Variants in BOP1 observed in about 807,000 individuals in gnomAD.
BOP1 encodes BOP1 ribosomal biogenesis factor.
BOP1 carries 54 observed loss-of-function variants against 82.9 expected under a neutral mutation model. The ratio of observed to expected loss-of-function variants is 0.65; its 90% CI spans 0.52 to 0.82. The LOEUF (loss-of-function observed/expected upper bound fraction) is 0.82, where lower values mean the gene tolerates loss of function less well. Ranked by LOEUF, BOP1 falls within the 40% of genes least tolerant of loss-of-function variation. The pLI, the probability that BOP1 is intolerant of heterozygous loss-of-function variation, is 0.00. For synonymous variants in BOP1, 566 were observed against 451.1 expected (o/e 1.25, Z -3.23); for missense variants, 1,170 against 1,072.0 (o/e 1.09, Z -1.28).
chr8:144,265,313 G>A (rs1295541764), intron 3 of BOP1: 24 of 595,664 alleles, frequency 4.0e-5, no homozygotes, highest in Non-Finnish European at 7.1e-5. Context: ...ATTTTCCACT[G>A]AAGTGGTGCC....
At chr8:144,277,885 T>C (rs587603597) in intron 2 of BOP1, among the ~76,000 whole-genome samples, 62 of 88,380 alleles carry the variant, frequency 7.0e-4, no homozygotes, top group African/African-American at 1.7e-3. Context: ...TGGAGGCAGA[T>C]GCTGTGGGGC....
Position 144,281,412 on chromosome 8 carries a change from TC to T in BOP1, c.310-5109del, listed in dbSNP as rs1845676112. Reference sequence around the variant, plus strand: ...CAGTTTAATACCAGGTCTTCGGCCTTCTCTCACTTTCATACCAGGTCTTTGG... The same window carrying T: ...CAGTTTAATACCAGGTCTTCGGCCTTTCTCACTTTCATACCAGGTCTTTGG... On this transcript the variant is annotated intron_variant, in intron 2 of 15. Coordinates refer to ENST00000569669, the MANE Select transcript of BOP1 (RefSeq NM_015201.5). Among the ~76,000 whole-genome samples, 14 of 3,980 alleles carry T rather than the reference TC, an allele frequency of 3.5e-3. 6 individuals carry two copies. The highest frequency in any genetic ancestry group is 4.1e-3 in the African/African-American group (14 of 3,456). 2.6% of individuals were successfully genotyped at this position (3,980 alleles called of 152,430 possible).
chr8:144,288,127 G>A (rs960573408), intron 2 of BOP1, among the ~76,000 whole-genome samples: 10 of 151,938 alleles, frequency 6.6e-5, no homozygotes, highest in African/African-American at 1.7e-4. Flanking sequence ...AAAATTAGCC[G>A]AGCCTGGTAG....
intron 3 of BOP1, among the ~76,000 whole-genome samples, chr8:144,273,809 G>A (rs893255502): frequency 3.6e-4 from 55 of 150,942 alleles, no homozygotes; most frequent in Non-Finnish European, 6.3e-4. Context: ...CCCCACTGCC[G>A]GCGGCAGGAC....
chr8:144,269,752 G>C (rs992076480), intron 3 of BOP1, among the ~76,000 whole-genome samples: 3 of 152,304 alleles, frequency 2.0e-5, no homozygotes, highest in East Asian at 1.9e-4. Flanking sequence ...GCCAGGGCCC[G>C]GGGGACACGG....
chr8:144,287,918 A>G (rs1395801130), intron 2 of BOP1, among the ~76,000 whole-genome samples: 2 of 152,124 alleles, frequency 1.3e-5, no homozygotes, highest in African/African-American at 4.8e-5. Flanking sequence ...CTTCCAGAAC[A>G]CCGAAACTAC....
Position 144,263,269 on chromosome 8 carries a change from T to C in BOP1, c.1557A>G (p.Ser519=). The stretch of plus-strand genomic sequence containing the variant: ...GCAGGCCCACTTGGCGCTCCTCCTC[T>C]GAGGCCTCCAGCCAGCGGGCCGGCT... The part of the protein sequence containing the change: ...PLQPARWLEA[S]EEERQVGLRL... Residue 519 remains serine, a synonymous_variant, in exon 12 of 16, where the codon TCA becomes TCG. Coordinates refer to ENST00000569669, the MANE Select transcript of BOP1 (RefSeq NM_015201.5). 1 of 1,594,860 alleles carries C rather than the reference T, an allele frequency of 6.3e-7. No individual in the cohort carries two copies. The highest frequency in any genetic ancestry group is 8.5e-7 in the Non-Finnish European group (1 of 1,179,180).
intron 2 of BOP1, among the ~76,000 whole-genome samples, chr8:144,277,051 C>A (rs1054520018): frequency 1.8e-3 from 268 of 152,264 alleles, no homozygotes; most frequent in Non-Finnish European, 3.3e-3. Flanking sequence ...CCAACCGGAT[C>A]GGGTTTACTG....
Position 144,264,218 on chromosome 8 carries a change from G to A in BOP1, c.978+7C>T. ...ACAGGGTCCCGGCCCCCAGGATGCA[G>A]GCCCACCTCCTCCTCGCTGAGCAGG... On this transcript the variant is annotated splice_region_variant and intron_variant, in intron 7 of 15. Transcript: ENST00000569669. 1.9e-6 allele frequency: 3 copies of A among 1,607,548 alleles called. No homozygotes were observed. In the South Asian group the frequency reaches 3.3e-5, roughly 18 times the overall value.
chr8:144,263,459 C>A lies in BOP1; in HGVS notation c.1424+19G>T. The A allele has an allele frequency of 6.3e-7, 1 of 1,597,996 alleles. No homozygotes were observed. Among genetic ancestry groups the A allele is most frequent in the Non-Finnish European group, 8.5e-7 (1 of 1,179,676 alleles). On this transcript the variant is annotated intron_variant, in intron 11 of 15. Transcript: ENST00000569669. ...ACAGTGCCACCCCTGGCTCCCCAGC[C>A]CCCAGGGCCTCCACTTACACGGCTG... is the stretch of plus-strand genomic sequence containing the variant.
chr8:144,291,000 T>G (rs1176988502), intron 1 of BOP1, among the ~76,000 whole-genome samples: 1 of 152,212 alleles, frequency 6.6e-6, no homozygotes, highest in Non-Finnish European at 1.5e-5. Context: ...ATTGGCAGGA[T>G]GCACAAATGG....
Position 144,265,065 on chromosome 8 carries a change from G to A in BOP1, c.397C>T (p.Arg133Trp), listed in dbSNP as rs984541957. 75 of 1,609,404 alleles carry A rather than the reference G, an allele frequency of 4.7e-5. No homozygotes were observed. The highest frequency in any genetic ancestry group is 2.1e-4 in the South Asian group (19 of 90,858). Residue 133 changes from arginine (R) to tryptophan (W), a missense_variant, in exon 4 of 16, where the codon CGG (arginine) becomes TGG (tryptophan). Coordinates refer to ENST00000569669, the MANE Select transcript of BOP1 (RefSeq NM_015201.5). ...AEDSSDEEDIRNTVGNVPLEW... is the reference protein window; with the variant it reads ...AEDSSDEEDIWNTVGNVPLEW... ...AAGGGCACGTTGCCCACCGTGTTCC[G>A]GATGTCCTGCAGCCGGGGGCCACCA... is the stretch of plus-strand genomic sequence containing the variant.
chr8:144,263,946 C>G, intron 8 of BOP1, 35 bp from the exon 9 acceptor site: 2 of 1,611,298 alleles, frequency 1.2e-6, no homozygotes, highest in East Asian at 4.5e-5. Flanking sequence ...GCCTTGCCCC[C>G]TGTGCCACCC....
At position 144,262,464 on chromosome 8, in the gene BOP1, C is replaced by T. The variant is rs1406246373; in HGVS notation, c.2019G>A (p.Pro673=). The T allele has an allele frequency of 4.2e-5, 68 of 1,612,748 alleles. No homozygotes were observed. Among genetic ancestry groups the T allele is most frequent in the Middle Eastern group, 3.3e-4 (2 of 6,074 alleles). The change falls in exon 15 of 16, where the codon CCG becomes CCA. Residue 673 remains proline (P), a synonymous_variant. Transcript: ENST00000569669. ...KKALRAVAFH[P]RYPLFASGSD... ...AGCCTGACGCAAAGAGTGGGTACCG[C>T]GGGTGGAAGGCCACAGCCCGCAGAG...
intron 3 of BOP1, among the ~76,000 whole-genome samples, chr8:144,275,962 A>T (rs1226043435): frequency 6.6e-6 from 1 of 151,768 alleles, no homozygotes; most frequent in African/African-American, 2.4e-5. Flanking sequence ...GGCCAGACAC[A>T]GGGGCATGGA....
chr8:144,267,218 A>G, intron 3 of BOP1: 16 of 1,485,190 alleles, frequency 1.1e-5, no homozygotes, highest in Non-Finnish European at 1.3e-5. Context: ...GGGGCCTCCA[A>G]CGCGCCCCTC....
At chr8:144,283,088 C>T (rs1465547694) in intron 2 of BOP1, among the ~76,000 whole-genome samples, 7 of 149,788 alleles carry the variant, frequency 4.7e-5, no homozygotes, top group Non-Finnish European at 8.9e-5. Context: ...ATCCCAGCTA[C>T]TCAGGAGGTT....
Position 144,262,295 on chromosome 8 carries a change from G to A in BOP1, c.2110C>T (p.Leu704=). The A allele has an allele frequency of 6.2e-7, 1 of 1,612,898 alleles. No individual in the cohort carries two copies. Among genetic ancestry groups the A allele is most frequent in the African/African-American group, 1.3e-5 (1 of 75,020 alleles). ...CCCTTCAGCACCTTGACGGGCACCAGCAAGGGGTTCTGCAGAAGGTCACTG... is the reference window on the plus strand; with the variant it reads ...CCCTTCAGCACCTTGACGGGCACCAACAAGGGGTTCTGCAGAAGGTCACTG... ...VYNDLLQNPL[L]VPVKVLKGHV... Residue 704 remains leucine, a synonymous_variant, in exon 16 of 16, where the codon CTG becomes TTG. Coordinates refer to ENST00000569669, the MANE Select transcript of BOP1 (RefSeq NM_015201.5).
chr8:144,262,142 C>T lies in BOP1; in HGVS notation c.*22G>A, dbSNP rs1845198055. On this transcript the variant is annotated 3_prime_UTR_variant, in exon 16 of 16. Coordinates refer to ENST00000569669, the MANE Select transcript of BOP1 (RefSeq NM_015201.5). ...TCTGTTGACTTCAGCACGACCACCCCAGCCCCAGGCAGGCAGAACAGCTAG... is the reference window on the plus strand; with the variant it reads ...TCTGTTGACTTCAGCACGACCACCCTAGCCCCAGGCAGGCAGAACAGCTAG... The T allele has an allele frequency of 6.2e-7, 1 of 1,611,682 alleles. No homozygotes were observed. Among genetic ancestry groups the T allele is most frequent in the Non-Finnish European group, 8.5e-7 (1 of 1,179,838 alleles).
Sources: gnomAD v4.1 joint callset for allele counts (sites outside exome capture counted in the v4.1 genomes callset) on GRCh38, gnomAD v4.1.1 for gene constraint, MANE v1.5 for transcripts, NCBI Gene and HGNC (gene_info 2026-07-23, HGNC 2026-07-21) for gene names.